RNF130: variants seen among roughly 807,000 people sequenced by gnomAD.
RNF130 encodes the protein E3 ubiquitin-protein ligase RNF130.
A neutral mutation model predicts 44.6 loss-of-function variants in RNF130; 21 were observed. That is an observed-to-expected ratio of 0.47 (90% confidence interval 0.33 to 0.68). The LOEUF (loss-of-function observed/expected upper bound fraction) is 0.68, where lower values mean the gene tolerates loss of function less well. Ranked by LOEUF, RNF130 falls within the 30% of genes least tolerant of loss-of-function variation. RNF130 has a pLI of 0.02. For missense variants in RNF130, 479 were observed against 560.6 expected (o/e 0.85, Z 1.47); for synonymous variants, 214 against 210.4 (o/e 1.02, Z -0.15).
At chr5:179,948,576 CAGA>C (rs1762079254) in intron 7 of RNF130, among the ~76,000 whole-genome samples, 1 of 152,032 alleles carries the variant, frequency 6.6e-6, no homozygotes, top group Non-Finnish European at 1.5e-5. Flanking sequence ...GAGGCTGAGG[CAGA>C]AGAATTGCTT....
intron 2 of RNF130, among the ~76,000 whole-genome samples, chr5:180,038,134 G>C (rs1381908359): frequency 6.6e-6 from 1 of 152,106 alleles, no homozygotes; most frequent in Non-Finnish European, 1.5e-5. Flanking sequence ...GCTCACTGTA[G>C]TCTCAACTTC....
chr5:179,931,308 G>T (rs1030421338), intron 7 of RNF130, among the ~76,000 whole-genome samples: 3 of 152,202 alleles, frequency 2.0e-5, no homozygotes, highest in Admixed American at 2.0e-4. Flanking sequence ...TATCAAAGGG[G>T]AGTCTAGGGA....
At chr5:180,038,241 G>A (rs1764296744) in intron 2 of RNF130, among the ~76,000 whole-genome samples, 1 of 148,014 alleles carries the variant, frequency 6.8e-6, no homozygotes, top group African/African-American at 2.4e-5. Flanking sequence ...TTTTTGTAGA[G>A]ATGGGGTCTC....
At chr5:179,921,310 A>G (rs1761628337) in intron 7 of RNF130, among the ~76,000 whole-genome samples, 1 of 152,202 alleles carries the variant, frequency 6.6e-6, no homozygotes, top group Non-Finnish European at 1.5e-5. Context: ...GGAAACATAG[A>G]TTAGTTTGCA....
intron 2 of RNF130, among the ~76,000 whole-genome samples, chr5:180,028,415 G>T (rs981492261): frequency 2.6e-5 from 4 of 151,932 alleles, no homozygotes; most frequent in African/African-American, 9.7e-5. Flanking sequence ...ATTTCCTTCC[G>T]ACTCCCTCTC....
intron 1 of RNF130, among the ~76,000 whole-genome samples, chr5:180,051,238 A>ATATTTTATTTATT (rs1764680229): frequency 6.9e-6 from 1 of 144,096 alleles, no homozygotes; most frequent in East Asian, 2.0e-4. Context: ...TATAGATATT[A>ATATTTTATTTATT]TATTTATTTA....
chr5:180,032,338 T>C (rs1375973196), intron 2 of RNF130, among the ~76,000 whole-genome samples: 1 of 152,170 alleles, frequency 6.6e-6, no homozygotes, highest in East Asian at 1.9e-4. Context: ...AGTGAAGTCA[T>C]TTTTATATAG....
At chr5:179,973,998 T>A (rs1331559604) in intron 5 of RNF130, among the ~76,000 whole-genome samples, 2 of 152,094 alleles carry the variant, frequency 1.3e-5, no homozygotes, top group Non-Finnish European at 2.9e-5. Flanking sequence ...GTCCCACACA[T>A]GCCATGAACT....
chr5:179,984,753 A>G (rs1762916833), intron 3 of RNF130, among the ~76,000 whole-genome samples: 1 of 152,196 alleles, frequency 6.6e-6, no homozygotes, highest in Admixed American at 6.5e-5. Flanking sequence ...GGTGCCATAC[A>G]ATGAAATTGG....
chr5:179,981,848 G>A (rs915089460), intron 3 of RNF130, among the ~76,000 whole-genome samples: 2 of 152,168 alleles, frequency 1.3e-5, no homozygotes, highest in Admixed American at 6.5e-5. Flanking sequence ...AGTCCCTTCT[G>A]TCACGCTGGT....
rs145292138 is a variant in RNF130 at position 180,063,284 on chromosome 5, G to A, written c.247+8172C>T. On this transcript the variant is annotated intron_variant, in intron 1 of 8. Transcript: ENST00000521389. ...AGTTGCCTGAACTAAGGCGGCAGCC[G>A]TGAAAATGTCAAACAACAGATACGT... is the stretch of plus-strand genomic sequence containing the variant. 1.6e-3 allele frequency among the ~76,000 whole-genome samples: 251 copies of A among 152,330 alleles called. 2 individuals carry two copies. The highest frequency in any genetic ancestry group is 5.7e-3 in the African/African-American group (236 of 41,566).
chr5:179,963,428 G>T, intron 8 of RNF130, 43 bp downstream of exon 8: 1 of 1,470,828 alleles, frequency 6.8e-7, no homozygotes, highest in South Asian at 1.2e-5. Context: ...TGTTTTCCTG[G>T]GATCATCTGG....
chr5:179,943,414 C>T (rs143831100), intron 7 of RNF130, among the ~76,000 whole-genome samples: 74 of 152,308 alleles, frequency 4.9e-4, no homozygotes, highest in African/African-American at 1.1e-3. Context: ...GAGGGCCTGA[C>T]GTGGACTTTC....
chr5:179,968,091 C>A (rs979839646), intron 6 of RNF130, among the ~76,000 whole-genome samples: 1 of 149,706 alleles, frequency 6.7e-6, no homozygotes, highest in Non-Finnish European at 1.5e-5. Flanking sequence ...GTCAGGAGAT[C>A]GAGACCATCC....
chr5:180,047,262 A>G (rs1764586588), intron 1 of RNF130, among the ~76,000 whole-genome samples: 1 of 152,184 alleles, frequency 6.6e-6, no homozygotes, highest in Non-Finnish European at 1.5e-5. Context: ...GAAAAAATAC[A>G]ATTCATCATT....
intron 3 of RNF130, among the ~76,000 whole-genome samples, chr5:180,005,374 GCT>G (rs974272047): frequency 6.6e-6 from 1 of 152,148 alleles, no homozygotes; most frequent in Non-Finnish European, 1.5e-5. Flanking sequence ...CTTGCAGTGA[GCT>G]GTTAATCGAG....
chr5:180,053,090 A>C (rs924111485), intron 1 of RNF130, among the ~76,000 whole-genome samples: 1 of 152,212 alleles, frequency 6.6e-6, no homozygotes, highest in Non-Finnish European at 1.5e-5. Flanking sequence ...CAGAAAGCTA[A>C]ATTAGACTTC....
chr5:179,969,055 TG>T (rs1165747393), intron 6 of RNF130, among the ~76,000 whole-genome samples: 2 of 152,254 alleles, frequency 1.3e-5, no homozygotes, highest in Non-Finnish European at 2.9e-5. Flanking sequence ...CGATCTCCTT[TG>T]GGTTGCAAGC....
rs781003753 is a variant in RNF130, at chr5:179,980,124, T to C, written c.765+5A>G. The C allele has an allele frequency of 5.0e-6, 8 of 1,613,856 alleles. No individual in the cohort carries two copies. Among genetic ancestry groups the C allele is most frequent in the Non-Finnish European group, 5.9e-6 (7 of 1,179,746 alleles). On this transcript the variant is annotated splice_donor_5th_base_variant and intron_variant, in intron 4 of 8. Transcript: ENST00000521389. ...TACGGTGCTGAAGTTGTTTCATGAC[T>C]GTACCTTGTCACCCTTCTTTACTGT...
Sources: gnomAD v4.1 joint callset for allele counts (sites outside exome capture counted in the v4.1 genomes callset) on GRCh38, gnomAD v4.1.1 for gene constraint, MANE v1.5 for transcripts, NCBI Gene and HGNC (gene_info 2026-07-23, HGNC 2026-07-21) for gene names.